ME3: variants seen among roughly 807,000 people sequenced by gnomAD.
ME3 encodes malic enzyme 3.
In ME3, 48 loss-of-function variants were observed where a neutral mutation model predicts 68.9. The observed-to-expected ratio is 0.70, with a 90% CI of 0.55 to 0.89. ME3 has a LOEUF of 0.89. ME3 is among the 40% of genes least tolerant of loss of function. The pLI, the probability that ME3 is intolerant of heterozygous loss-of-function variation, is 0.00. For synonymous variants in ME3, 320 were observed against 318.8 expected (o/e 1.00, Z -0.04); for missense variants, 675 against 797.4 (o/e 0.85, Z 1.85).
At chr11:86,528,362 CT>C (rs1212208704) in intron 4 of ME3, among the ~76,000 whole-genome samples, 1 of 152,138 alleles carries the variant, frequency 6.6e-6, no homozygotes, top group Non-Finnish European at 1.5e-5. Flanking sequence ...AAAGCAAGTC[CT>C]TAGAGACCTA....
At chr11:86,467,670 C>G (rs1007217462) in intron 7 of ME3, among the ~76,000 whole-genome samples, 2 of 47,890 alleles carry the variant, frequency 4.2e-5, no homozygotes, top group African/African-American at 1.3e-4. Flanking sequence ...GTTTCTCTCT[C>G]TCTCTCTCTC....
At chr11:86,447,505 G>A (rs532501393) in intron 11 of ME3, among the ~76,000 whole-genome samples, 2 of 152,262 alleles carry the variant, frequency 1.3e-5, no homozygotes, top group African/African-American at 4.8e-5. Context: ...AGGACACAGG[G>A]AGATGCCAGG....
At chr11:86,497,768 T>C (rs919854110) in intron 6 of ME3, among the ~76,000 whole-genome samples, 195 bp downstream of exon 6, 2 of 152,038 alleles carry the variant, frequency 1.3e-5, no homozygotes, top group African/African-American at 2.4e-5. Flanking sequence ...GGGAACAGGA[T>C]GGAGCTAGGG....
chr11:86,643,006 A>G (rs1490825593), intron 2 of ME3, among the ~76,000 whole-genome samples: 1 of 151,900 alleles, frequency 6.6e-6, no homozygotes, highest in African/African-American at 2.4e-5. Flanking sequence ...TTTTTTTGAC[A>G]TGTTGACAAT....
intron 4 of ME3, among the ~76,000 whole-genome samples, chr11:86,538,453 G>A (rs751433459): frequency 6.6e-6 from 1 of 152,120 alleles, no homozygotes; most frequent in Non-Finnish European, 1.5e-5. Flanking sequence ...GTAGGTGGTA[G>A]TAGTTGTTTT....
intron 2 of ME3, among the ~76,000 whole-genome samples, chr11:86,647,747 A>G (rs1945122069): frequency 6.6e-6 from 1 of 152,224 alleles, no homozygotes; most frequent in Non-Finnish European, 1.5e-5. Flanking sequence ...GAGCACCCAG[A>G]TTCATAAAGC....
intron 4 of ME3, among the ~76,000 whole-genome samples, chr11:86,533,812 T>C (rs657378): frequency 0.34 from 52,248 of 151,606 alleles, 9,424 homozygotes; most frequent in African/African-American, 0.48. Context: ...GTGTGAACAC[T>C]GTAAAGTGCA....
At chr11:86,557,611 T>C (rs1211149891) in intron 3 of ME3, among the ~76,000 whole-genome samples, 1 of 152,194 alleles carries the variant, frequency 6.6e-6, no homozygotes, top group Non-Finnish European at 1.5e-5. Context: ...CTTGTGTGAC[T>C]TCTTGGGTCT....
intron 6 of ME3, among the ~76,000 whole-genome samples, chr11:86,488,385 C>G (rs1951814884): frequency 6.6e-6 from 1 of 152,078 alleles, no homozygotes; most frequent in Non-Finnish European, 1.5e-5. Flanking sequence ...TTTCCTCCCC[C>G]TTCCTCTCTT....
At chr11:86,496,163 T>C (rs1159721117) in intron 6 of ME3, among the ~76,000 whole-genome samples, 2 of 152,076 alleles carry the variant, frequency 1.3e-5, no homozygotes, top group Non-Finnish European at 2.9e-5. Context: ...CTCAGCACTT[T>C]GGGAGGCTGA....
chr11:86,510,363 T>A (rs1013475133), intron 4 of ME3, among the ~76,000 whole-genome samples: 1 of 152,162 alleles, frequency 6.6e-6, no homozygotes, highest in Admixed American at 6.5e-5. Context: ...TTTCTTTGAG[T>A]TTTCCTCCTA....
chr11:86,543,504 C>T (rs965021234), intron 4 of ME3, among the ~76,000 whole-genome samples: 1 of 152,138 alleles, frequency 6.6e-6, no homozygotes, highest in Non-Finnish European at 1.5e-5. Context: ...GGTTGCAATC[C>T]TAGTCTCTGA....
intron 2 of ME3, among the ~76,000 whole-genome samples, chr11:86,655,902 G>GA (rs994634297): frequency 2.6e-5 from 4 of 151,816 alleles, no homozygotes; most frequent in African/African-American, 7.3e-5. Flanking sequence ...AAATTTACAA[G>GA]AAAAAAACAA....
chr11:86,513,224 T>C (rs532007532), intron 4 of ME3, among the ~76,000 whole-genome samples: 19 of 152,322 alleles, frequency 1.2e-4, no homozygotes, highest in African/African-American at 4.6e-4. Flanking sequence ...ACATTTAAGT[T>C]TGAGCTACTA....
chr11:86,653,327 T>C (rs889135976), intron 2 of ME3, among the ~76,000 whole-genome samples: 8 of 152,164 alleles, frequency 5.3e-5, no homozygotes, highest in South Asian at 4.1e-4. Context: ...CATTCCAAAA[T>C]TGACCACATA....
intron 5 of ME3, among the ~76,000 whole-genome samples, chr11:86,504,092 A>G (rs957116116): frequency 6.6e-6 from 1 of 152,062 alleles, no homozygotes; most frequent in South Asian, 2.1e-4. Context: ...CTTTTCTTAC[A>G]TTGCAGTTTT....
At chr11:86,606,473 A>G (rs1446449074) in intron 2 of ME3, among the ~76,000 whole-genome samples, 1 of 152,192 alleles carries the variant, frequency 6.6e-6, no homozygotes, top group East Asian at 1.9e-4. Flanking sequence ...TAAAGAATCA[A>G]TTAGTGGTCT....
At chr11:86,498,350 C>T (rs949520006) in intron 5 of ME3, among the ~76,000 whole-genome samples, 1 of 152,156 alleles carries the variant, frequency 6.6e-6, no homozygotes, top group Non-Finnish European at 1.5e-5. Flanking sequence ...CAGAAAGATG[C>T]CTGCCTTGCA....
intron 2 of ME3, among the ~76,000 whole-genome samples, chr11:86,662,315 T>C (rs1946333941): frequency 6.6e-6 from 1 of 152,218 alleles, no homozygotes. Flanking sequence ...CTCGGTTTTC[T>C]CATCTGTCAT....
Sources: gnomAD v4.1 joint callset for allele counts (sites outside exome capture counted in the v4.1 genomes callset) on GRCh38, gnomAD v4.1.1 for gene constraint, MANE v1.5 for transcripts, NCBI Gene and HGNC (gene_info 2026-07-23, HGNC 2026-07-21) for gene names.